The following EIF4G3 variants were observed in gnomAD, a reference collection of about 807,000 sequenced individuals.
EIF4G3 encodes the protein eukaryotic translation initiation factor 4 gamma 3.
EIF4G3 carries 34 observed loss-of-function variants against 186.4 expected under a neutral mutation model. That is an observed-to-expected ratio of 0.18 (90% CI 0.14 to 0.24). EIF4G3 has a LOEUF of 0.24. Among genes scored for constraint, EIF4G3 ranks in the 10% least tolerant of loss-of-function variants. The pLI is 1.00. For missense variants in EIF4G3, 1,536 were observed against 1,948.5 expected (o/e 0.79, Z 3.99); for synonymous variants, 673 against 679.5 (o/e 0.99, Z 0.15).
chr1:20,960,196 G>A (rs1255070754), intron 12 of EIF4G3, among the ~76,000 whole-genome samples: 1 of 152,160 alleles, frequency 6.6e-6, no homozygotes, highest in African/African-American at 2.4e-5. Flanking sequence ...CCTGGGCACG[G>A]TGGCTCATGC....
intron 28 of EIF4G3, among the ~76,000 whole-genome samples, chr1:20,850,782 G>A (rs375217624): frequency 6.6e-6 from 1 of 152,132 alleles, no homozygotes; most frequent in Non-Finnish European, 1.5e-5. Flanking sequence ...AGCATTATCC[G>A]AGCAAGTCCT....
At chr1:20,946,628 T>G (rs527754756) in intron 13 of EIF4G3, among the ~76,000 whole-genome samples, 1 of 152,182 alleles carries the variant, frequency 6.6e-6, no homozygotes, top group Non-Finnish European at 1.5e-5. Context: ...CTGGGTCAAA[T>G]ACCATACATA....
chr1:21,162,541 A>C (rs1051259678), intron 2 of EIF4G3, among the ~76,000 whole-genome samples: 1 of 152,202 alleles, frequency 6.6e-6, no homozygotes, highest in Non-Finnish European at 1.5e-5. Flanking sequence ...GAGGAGTTCA[A>C]GACCAGCCTG....
intron 13 of EIF4G3, among the ~76,000 whole-genome samples, chr1:20,943,404 G>A (rs949321738): frequency 6.6e-6 from 1 of 152,134 alleles, no homozygotes; most frequent in Non-Finnish European, 1.5e-5. Flanking sequence ...GCGGGTACCA[G>A]AAAAACACAA....
chr1:21,066,022 C>T (rs930645779), intron 3 of EIF4G3, among the ~76,000 whole-genome samples: 2 of 151,936 alleles, frequency 1.3e-5, no homozygotes, highest in Non-Finnish European at 2.9e-5. Flanking sequence ...AATAAAAATA[C>T]AAAAATTAGC....
At chr1:21,135,392 G>A (rs1003030873) in intron 2 of EIF4G3, among the ~76,000 whole-genome samples, 4 of 152,154 alleles carry the variant, frequency 2.6e-5, no homozygotes, top group African/African-American at 4.8e-5. Context: ...CCAGCTACTC[G>A]GGAGAGGCTG....
At chr1:21,141,430 G>A (rs1364817887) in intron 2 of EIF4G3, among the ~76,000 whole-genome samples, 11 of 139,510 alleles carry the variant, frequency 7.9e-5, no homozygotes, top group Non-Finnish European at 1.7e-4. Flanking sequence ...AAAAAAGTGT[G>A]AGAAAGATTT....
chr1:20,845,531 G>A (rs10916877), intron 29 of EIF4G3, among the ~76,000 whole-genome samples: 78,825 of 151,868 alleles, frequency 0.52, 21,206 homozygotes, highest in East Asian at 0.83. Flanking sequence ...GCATGGTGGC[G>A]GGCGCCTGTA....
chr1:21,045,589 T>A (rs958924826), intron 4 of EIF4G3, among the ~76,000 whole-genome samples: 1 of 152,202 alleles, frequency 6.6e-6, no homozygotes, highest in South Asian at 2.1e-4. Flanking sequence ...TCCAAAAGCC[T>A]GGAAGTCTAG....
At chr1:21,124,219 C>T (rs939796137) in intron 2 of EIF4G3, among the ~76,000 whole-genome samples, 3 of 151,278 alleles carry the variant, frequency 2.0e-5, no homozygotes, top group Admixed American at 6.6e-5. Flanking sequence ...ACCCAGGAGG[C>T]GGAGGCAGTA....
At chr1:20,986,204 T>TA (rs1031385587) in intron 7 of EIF4G3, among the ~76,000 whole-genome samples, 2 of 152,270 alleles carry the variant, frequency 1.3e-5, no homozygotes, top group South Asian at 2.1e-4. Context: ...TGGCACTCAC[T>TA]AAAAAAATAT....
At chr1:20,957,084 A>T (rs140850110) in intron 12 of EIF4G3, among the ~76,000 whole-genome samples, 1 of 152,326 alleles carries the variant, frequency 6.6e-6, no homozygotes. Context: ...CTGACAAGAC[A>T]ATACACATCT....
chr1:20,922,915 C>G (rs976197369), intron 14 of EIF4G3, among the ~76,000 whole-genome samples: 1 of 152,162 alleles, frequency 6.6e-6, no homozygotes, highest in Non-Finnish European at 1.5e-5. Context: ...CAAAATTAAA[C>G]CCAAGGTTAA....
At chr1:20,871,912 C>T (rs2079304806) in intron 20 of EIF4G3, among the ~76,000 whole-genome samples, 2 of 152,032 alleles carry the variant, frequency 1.3e-5, no homozygotes, top group Non-Finnish European at 2.9e-5. Flanking sequence ...CAACCTCCAC[C>T]TCCTGGGTTC....
chr1:21,039,001 G>A (rs1312611713), intron 4 of EIF4G3, among the ~76,000 whole-genome samples: 2 of 151,904 alleles, frequency 1.3e-5, no homozygotes, highest in African/African-American at 4.8e-5. Context: ...AAACAATCTC[G>A]AAAAAGGAGG....
chr1:20,975,745 C>T (rs2076730691), intron 10 of EIF4G3, among the ~76,000 whole-genome samples: 1 of 151,878 alleles, frequency 6.6e-6, no homozygotes, highest in Non-Finnish European at 1.5e-5. Context: ...TAATTAATGT[C>T]TCTGGACCTC....
At chr1:20,923,831 A>ATATT (rs998929520) in intron 14 of EIF4G3, among the ~76,000 whole-genome samples, 2 of 142,654 alleles carry the variant, frequency 1.4e-5, no homozygotes, top group African/African-American at 5.1e-5. Flanking sequence ...ATATATATAT[A>ATATT]TATTTATCTG....
rs377694057 is a variant in EIF4G3, at chr1:21,014,100, T to C, written c.-66-11292A>G. ...AAGAGAATTGCTTGAACCTGGGAGG[T>C]GGAGGCTGCAGTGAGCCGAGATCAT... is the stretch of plus-strand genomic sequence containing the variant. On this transcript the variant is annotated intron_variant, in intron 4 of 36. Transcript: ENST00000602326. 3.1e-4 allele frequency among the ~76,000 whole-genome samples: 47 copies of C among 151,926 alleles called. 1 individual carries two copies. The highest frequency in any genetic ancestry group is 1.0e-3 in the African/African-American group (42 of 41,436).
At chr1:20,903,788 C>T (rs149904312) in intron 15 of EIF4G3, among the ~76,000 whole-genome samples, 16 of 152,066 alleles carry the variant, frequency 1.1e-4, no homozygotes, top group African/African-American at 3.6e-4. Flanking sequence ...CTAAAAAAGC[C>T]GAATGAAGTA....
Sources: gnomAD v4.1 joint callset for allele counts (sites outside exome capture counted in the v4.1 genomes callset) on GRCh38, gnomAD v4.1.1 for gene constraint, MANE v1.5 for transcripts, NCBI Gene and HGNC (gene_info 2026-07-23, HGNC 2026-07-21) for gene names.